Variants in LAMA2 observed in about 807,000 individuals in gnomAD.
LAMA2 encodes the protein laminin subunit alpha-2.
LAMA2 carries 269 observed loss-of-function variants against 364.8 expected under a neutral mutation model. That is an observed-to-expected ratio of 0.74 (90% CI 0.67 to 0.82). LAMA2 has a LOEUF of 0.82. Ranked by LOEUF, LAMA2 falls within the 40% of genes least tolerant of loss-of-function variation. LAMA2 has a pLI of 0.00. For missense variants in LAMA2, 3,807 were observed against 3,873.2 expected (o/e 0.98, Z 0.45); for synonymous variants, 1,379 against 1,370.6 (o/e 1.01, Z -0.14).
At position 129,035,301 on chromosome 6, in the gene LAMA2, CTT is replaced by C. The variant is rs546836712; in HGVS notation, c.113-14604_113-14603del. 5.4e-5 allele frequency among the ~76,000 whole-genome samples: 7 copies of C among 129,496 alleles called. No homozygotes were observed. In the East Asian group the frequency reaches 1.1e-3, roughly 21 times the overall value. 85.0% of individuals were successfully genotyped at this position (129,496 alleles called of 152,430 possible). A position where few individuals can be genotyped will look rare whatever the true frequency, so the allele number is the denominator to read the frequency against. ...ATGTCTTTTTCTTTTCTTTTCTTTT[CTT>C]TTTTTTTTTTTTAGAAGTGTCTGTT... is the stretch of plus-strand genomic sequence containing the variant. On this transcript the variant is annotated intron_variant, in intron 1 of 64. Transcript: ENST00000421865.
chr6:128,956,665 T>G (rs1227912668), intron 1 of LAMA2, among the ~76,000 whole-genome samples: 1 of 152,150 alleles, frequency 6.6e-6, no homozygotes, highest in African/African-American at 2.4e-5. Context: ...TATTGCTTTC[T>G]TCATAGGCTT....
chr6:129,097,970 A>G (rs996459487), intron 3 of LAMA2, among the ~76,000 whole-genome samples: 2 of 152,214 alleles, frequency 1.3e-5, no homozygotes, highest in African/African-American at 2.4e-5. Flanking sequence ...TTTTAAAGCC[A>G]TGGTTGTCAA....
chr6:129,156,147 C>G (rs1284548888), intron 8 of LAMA2, among the ~76,000 whole-genome samples: 1 of 151,026 alleles, frequency 6.6e-6, no homozygotes, highest in East Asian at 1.9e-4. Context: ...CTTGATATAA[C>G]CATTTCACAA....
At chr6:129,256,748 AAAC>A (rs1465845062) in intron 14 of LAMA2, among the ~76,000 whole-genome samples, 1 of 134,264 alleles carries the variant, frequency 7.4e-6, no homozygotes, top group Non-Finnish European at 1.6e-5. Context: ...TATATATAAA[AAAC>A]AAATTATATA....
At chr6:129,019,881 C>T (rs1027367836) in intron 1 of LAMA2, among the ~76,000 whole-genome samples, 1 of 152,018 alleles carries the variant, frequency 6.6e-6, no homozygotes, top group African/African-American at 2.4e-5. Context: ...GTCAGGAGTT[C>T]GAGACCAGCC....
At chr6:129,250,070 C>T (rs2114275927) in intron 12 of LAMA2, 42 bp from the exon 13 acceptor site, 2 of 1,116,100 alleles carry the variant, frequency 1.8e-6, no homozygotes, top group Non-Finnish European at 2.8e-6. Context: ...TTTAATAGCC[C>T]ATCTCCTATC....
chr6:129,075,150 G>A (rs1350209918), intron 3 of LAMA2, among the ~76,000 whole-genome samples: 1 of 152,118 alleles, frequency 6.6e-6, no homozygotes, highest in Non-Finnish European at 1.5e-5. Flanking sequence ...TTCTATGTAT[G>A]CATTTTTCAG....
intron 9 of LAMA2, among the ~76,000 whole-genome samples, chr6:129,169,285 A>G (rs1309219909): frequency 6.9e-6 from 1 of 145,356 alleles, no homozygotes; most frequent in Admixed American, 6.6e-5. Context: ...TCTGTATGAT[A>G]CTGGCTGTGG....
At chr6:129,515,826 C>T (rs2114945585) in intron 64 of LAMA2, among the ~76,000 whole-genome samples, 1 of 152,076 alleles carries the variant, frequency 6.6e-6, no homozygotes, top group South Asian at 2.1e-4. Context: ...GCCTGTAATC[C>T]CAACACTTTG....
chr6:129,162,245 A>G (rs1050868309), intron 8 of LAMA2, among the ~76,000 whole-genome samples: 1 of 152,222 alleles, frequency 6.6e-6, no homozygotes, highest in African/African-American at 2.4e-5. Flanking sequence ...ATATAGTCCT[A>G]TCTTTTGGAC....
At position 129,012,521 on chromosome 6, in the gene LAMA2, T is replaced by C. The variant is rs140636079; in HGVS notation, c.113-37397T>C. 7.3e-3 allele frequency among the ~76,000 whole-genome samples: 1,110 copies of C among 152,342 alleles called. 17 individuals are homozygous for C. The highest frequency in any genetic ancestry group is 0.026 in the African/African-American group (1,074 of 41,582). On this transcript the variant is annotated intron_variant, in intron 1 of 64. Transcript: ENST00000421865. Reference sequence around the variant, plus strand: ...GGATATTTAGAATAATTTTTGTTTGTTTTTGGCATAATTCCTTTTTCTTGA... The same window carrying C: ...GGATATTTAGAATAATTTTTGTTTGCTTTTGGCATAATTCCTTTTTCTTGA...
intron 1 of LAMA2, among the ~76,000 whole-genome samples, chr6:128,920,220 C>T (rs1778605282): frequency 6.6e-6 from 1 of 150,936 alleles, no homozygotes; most frequent in Admixed American, 6.6e-5. Flanking sequence ...TGCAGTGCTG[C>T]GATCTCAGCT....
intron 1 of LAMA2, among the ~76,000 whole-genome samples, chr6:128,959,215 T>A (rs909218844): frequency 1.3e-5 from 2 of 152,212 alleles, no homozygotes; most frequent in Admixed American, 6.5e-5. Flanking sequence ...CTTCAGTATG[T>A]TTCATCACAT....
chr6:129,102,153 G>C (rs754122405), intron 4 of LAMA2, among the ~76,000 whole-genome samples: 1 of 130,798 alleles, frequency 7.6e-6, no homozygotes, highest in Non-Finnish European at 1.6e-5. Flanking sequence ...TTTTGAGACC[G>C]AGTCTCGCTC....
intron 12 of LAMA2, among the ~76,000 whole-genome samples, chr6:129,243,867 GA>G (rs1785559275): frequency 2.0e-5 from 3 of 151,636 alleles, no homozygotes; most frequent in Non-Finnish European, 2.9e-5. Context: ...AGAAGAAGAA[GA>G]AGGAGGAGGA....
chr6:128,924,850 A>G (rs911744546), intron 1 of LAMA2, among the ~76,000 whole-genome samples: 2 of 152,230 alleles, frequency 1.3e-5, no homozygotes, highest in African/African-American at 4.8e-5. Flanking sequence ...ACCAGAAATA[A>G]CATCAACAAG....
chr6:129,445,606 T>C lies in LAMA2; in HGVS notation c.6275-61T>C, dbSNP rs1782325652. On this transcript the variant is annotated intron_variant, in intron 44 of 64. Transcript: ENST00000421865. ...TGTTTGGTTAAGCATACTGCTATTCTAATTCTGTGTGTGCACGTGTGTGCA... is the reference window on the plus strand; with the variant it reads ...TGTTTGGTTAAGCATACTGCTATTCCAATTCTGTGTGTGCACGTGTGTGCA... The C allele has an allele frequency of 4.0e-5, 57 of 1,417,656 alleles. No individual in the cohort carries two copies. In the South Asian group the frequency reaches 6.6e-4, roughly 16 times the overall value. 87.8% of individuals were successfully genotyped at this position (1,417,656 alleles called of 1,614,324 possible).
At chr6:129,106,875 A>AAATATAT (rs1554219038) in intron 4 of LAMA2, among the ~76,000 whole-genome samples, 50 of 142,648 alleles carry the variant, frequency 3.5e-4, no homozygotes, top group Admixed American at 2.7e-3. Flanking sequence ...AAAAAAAAAA[A>AAATATAT]ATATATATAT....
intron 55 of LAMA2, among the ~76,000 whole-genome samples, chr6:129,485,884 C>G (rs897561141): frequency 6.6e-6 from 1 of 152,198 alleles, no homozygotes; most frequent in African/African-American, 2.4e-5. Context: ...GGACTGCATT[C>G]AGGCTCCCTG....
Sources: gnomAD v4.1 joint callset for allele counts (sites outside exome capture counted in the v4.1 genomes callset) on GRCh38, gnomAD v4.1.1 for gene constraint, MANE v1.5 for transcripts, NCBI Gene and HGNC (gene_info 2026-07-23, HGNC 2026-07-21) for gene names.